PXN: variants seen among roughly 807,000 people sequenced by gnomAD.
PXN encodes paxillin.
In PXN, 61 loss-of-function variants were observed where a neutral mutation model predicts 103.6. The observed-to-expected ratio is 0.59, with a 90% CI of 0.48 to 0.73. The LOEUF is 0.73. Ranked by LOEUF, PXN falls within the 30% of genes least tolerant of loss-of-function variation. The pLI, the probability that PXN is intolerant of heterozygous loss-of-function variation, is 0.00. For missense variants in PXN, 1,274 were observed against 1,460.3 expected, an observed-to-expected ratio of 0.87 and a Z score of 2.08; for synonymous variants, 562 against 607.8, an observed-to-expected ratio of 0.92 and a Z score of 1.11.
chr12:120,264,486 G>T (rs567662862), intron 1 of PXN, among the ~76,000 whole-genome samples: 1 of 152,142 alleles, frequency 6.6e-6, no homozygotes, highest in Non-Finnish European at 1.5e-5. Context: ...CCACTCCTGC[G>T]TTCACGCCAC....
Position 120,265,048 on chromosome 12 carries a change from C to T in PXN, c.13+569G>A, listed in dbSNP as rs1386392188. Among the ~76,000 whole-genome samples, 1 of 151,648 alleles carries T rather than the reference C, an allele frequency of 6.6e-6. No individual in the cohort carries two copies. Among genetic ancestry groups the T allele is most frequent in the Admixed American group, 6.6e-5 (1 of 15,222 alleles). On this transcript the variant is annotated intron_variant, in intron 1 of 14. Transcript: ENST00000637617. This position sits in a 1 kb window ranked among gnomAD's most constrained non-coding sequence, Gnocchi z 5.7. ...GCTCATCTCTAGCTTTTGCATCTGA[C>T]TTGTGAAATGAAAGGGGTGGGCTCC... is the stretch of plus-strand genomic sequence containing the variant.
chr12:120,227,017 C>G (rs773454579), intron 1 of PXN: 2 of 986,794 alleles, frequency 2.0e-6, no homozygotes, highest in Non-Finnish European at 2.4e-6. Flanking sequence ...TAAGGTCTTC[C>G]TCCAAGGAGA....
intron 1 of PXN, among the ~76,000 whole-genome samples, chr12:120,237,483 A>G (rs1180376990): frequency 6.6e-6 from 1 of 152,108 alleles, no homozygotes; most frequent in African/African-American, 2.4e-5. Context: ...CAGTGCATTT[A>G]CTTGAGTGAA....
In PXN at chr12:120,215,095, C is replaced by T. The variant is rs114085181; in HGVS notation, c.2574+8G>A. On this transcript the variant is annotated splice_region_variant and intron_variant, in intron 11 of 14. Transcript: ENST00000637617. This position sits in a 1 kb window ranked among gnomAD's most constrained non-coding sequence, Gnocchi z 4.9. Reference sequence around the variant, plus strand: ...CTGGCCACACCCCTGCCCACTCCCCCTCATCACCTGCCCGGCGATGGGCTT... The same window carrying T: ...CTGGCCACACCCCTGCCCACTCCCCTTCATCACCTGCCCGGCGATGGGCTT... 2,532 of 1,584,164 alleles carry T rather than the reference C, an allele frequency of 1.6e-3. 38 individuals carry two copies. The African/African-American group carries it at 0.03, about 19-fold the overall frequency.
At chr12:120,263,587 G>T (rs1894213911) in intron 1 of PXN, among the ~76,000 whole-genome samples, 1 of 152,192 alleles carries the variant, frequency 6.6e-6, no homozygotes, top group Non-Finnish European at 1.5e-5. Flanking sequence ...AAGAGAATCA[G>T]CCTCTCTTCG....
rs1044152349 is a variant in PXN, at chr12:120,265,093, G to A, written c.13+524C>T. ...GGCTCCGAGGGGTTATCCCTGAAGG[G>A]GGGTGCTAGTCTGTGAAGTGGGGGG... On this transcript the variant is annotated intron_variant, in intron 1 of 14. Transcript: ENST00000637617. The surrounding 1 kb of genome is among the most constrained non-coding windows in gnomAD (Gnocchi z 5.7). Among the ~76,000 whole-genome samples the A allele has an allele frequency of 6.6e-6, 1 of 152,076 alleles. No homozygotes were observed. Among genetic ancestry groups the A allele is most frequent in the Admixed American group, 6.6e-5 (1 of 15,238 alleles).
In PXN at chr12:120,225,324, C is replaced by G. The variant is rs1886567915; in HGVS notation, c.14-947G>C. On this transcript the variant is annotated intron_variant, in intron 1 of 14. Coordinates refer to ENST00000637617, the MANE Select transcript of PXN (RefSeq NM_001385981.1). The surrounding 1 kb of genome is among the most constrained non-coding windows in gnomAD (Gnocchi z 4.4). ...GCCACACCCTCATTCCTGCCCCGTTCACAACTTGCTTGCTCTCAGCTCCCC... is the reference window on the plus strand; with the variant it reads ...GCCACACCCTCATTCCTGCCCCGTTGACAACTTGCTTGCTCTCAGCTCCCC... 6.5e-6 allele frequency: 1 copy of G among 153,780 alleles called. No individual in the cohort carries two copies. The highest frequency in any genetic ancestry group is 1.4e-5 in the Non-Finnish European group (1 of 69,014). The allele number at this position is 153,780 out of a possible 1,614,324, so 9.5% of individuals were successfully genotyped here. A position where few individuals can be genotyped will look rare whatever the true frequency, so the allele number is the denominator to read the frequency against.
At chr12:120,250,226 G>A (rs1891927148) in intron 1 of PXN, 1 of 973,686 alleles carries the variant, frequency 1.0e-6, no homozygotes, top group South Asian at 4.8e-5. Context: ...TAAGGAAGAG[G>A]AATGTTCCTG....
At position 120,265,420 on chromosome 12, in the gene PXN, G is replaced by C. The variant is rs1894548129; in HGVS notation, c.13+197C>G. 6.6e-6 allele frequency among the ~76,000 whole-genome samples: 1 copy of C among 152,100 alleles called. No homozygotes were observed. Among genetic ancestry groups the C allele is most frequent in the Admixed American group, 6.5e-5 (1 of 15,288 alleles). ...ACGGGGGGTCGCTGCTGTGCGGTCG[G>C]TGCCGGGGCCGGCCTGGCCCGAGAC... On this transcript the variant is annotated intron_variant, in intron 1 of 14. Transcript: ENST00000637617. This position sits in a 1 kb window ranked among gnomAD's most constrained non-coding sequence, Gnocchi z 5.7.
chr12:120,212,279 G>A lies in PXN; in HGVS notation c.*35C>T. The A allele has an allele frequency of 6.3e-7, 1 of 1,598,650 alleles. No individual in the cohort carries two copies. The highest frequency in any genetic ancestry group is 8.5e-7 in the Non-Finnish European group (1 of 1,172,520). On this transcript the variant is annotated 3_prime_UTR_variant, in exon 15 of 15. Coordinates refer to ENST00000637617, the MANE Select transcript of PXN (RefSeq NM_001385981.1). This position sits in a 1 kb window ranked among gnomAD's most constrained non-coding sequence, Gnocchi z 7.2. ...GTCACAGTCGCAGTTGGGGATGCTG[G>A]CTGGGGAAGGGGGGCAGAGACAGGG...
intron 1 of PXN, among the ~76,000 whole-genome samples, chr12:120,238,958 T>A (rs1889647013): frequency 6.6e-6 from 1 of 152,232 alleles, no homozygotes; most frequent in Admixed American, 6.5e-5. Flanking sequence ...CTAACTACTG[T>A]ACTGCAACAC....
At position 120,216,500 on chromosome 12, in the gene PXN, G is replaced by A. The variant is rs1883061756; in HGVS notation, c.2074C>T (p.His692Tyr). Residue 692 changes from histidine to tyrosine, a missense_variant, in exon 9 of 15, where the codon CAT (histidine) becomes TAT (tyrosine). This residue lies in a region of PXN where 1,178 missense variants were observed against 1,309.0 expected (regional missense o/e 0.90). Transcript: ENST00000637617. The surrounding 1 kb of genome is among the most constrained non-coding windows in gnomAD (Gnocchi z 5.1). ...CTGCTGGCCGCGGCGTCTGTGCGATGCTGGAGCAAAGGGACAGAAGGAGAA... is the reference window on the plus strand; with the variant it reads ...CTGCTGGCCGCGGCGTCTGTGCGATACTGGAGCAAAGGGACAGAAGGAGAA... Reference protein sequence around the residue: ...LASPSVPLLQHRTDAAASSSS... With the variant: ...LASPSVPLLQYRTDAAASSSS... 3.6e-6 allele frequency: 5 copies of A among 1,396,220 alleles called. No individual in the cohort carries two copies. Among genetic ancestry groups the A allele is most frequent in the Non-Finnish European group, 4.6e-6 (5 of 1,084,504 alleles). 86.5% of individuals were successfully genotyped at this position (1,396,220 alleles called of 1,614,324 possible).
chr12:120,259,778 G>A (rs969851949), intron 1 of PXN, among the ~76,000 whole-genome samples: 1 of 152,212 alleles, frequency 6.6e-6, no homozygotes, highest in African/African-American at 2.4e-5. Flanking sequence ...TGAGGCTGTC[G>A]ATGGAGTCTC....
rs898601045 is a variant in PXN, at chr12:120,216,196, G to C, written c.2301+77C>G. On this transcript the variant is annotated intron_variant, in intron 9 of 14. Transcript: ENST00000637617. This position sits in a 1 kb window ranked among gnomAD's most constrained non-coding sequence, Gnocchi z 5.1. ...GGTATCTGTGTATGTGTGTGTGCAC[G>C]TGTGTGTGTGCAGAGTGGGGGATGG... is the stretch of plus-strand genomic sequence containing the variant. 1 of 1,267,844 alleles carries C rather than the reference G, an allele frequency of 7.9e-7. No individual in the cohort carries two copies. Among genetic ancestry groups the C allele is most frequent in the African/African-American group, 1.5e-5 (1 of 64,746 alleles). The allele number at this position is 1,267,844 out of a possible 1,614,324, so 78.5% of individuals were successfully genotyped here.
intron 1 of PXN, among the ~76,000 whole-genome samples, chr12:120,239,203 T>C (rs1429062976): frequency 6.6e-6 from 1 of 152,146 alleles, no homozygotes; most frequent in African/African-American, 2.4e-5. Context: ...TCCCAGCACT[T>C]TGGGAGCCCG....
Position 120,215,075 on chromosome 12 carries a change from C to G in PXN, c.2574+28G>C. 3.8e-6 allele frequency: 6 copies of G among 1,595,012 alleles called. No homozygotes were observed. The highest frequency in any genetic ancestry group is 5.1e-6 in the Non-Finnish European group (6 of 1,169,410). ...CCCACCCCTGCAGGAGTCCACTGGC[C>G]ACACCCCTGCCCACTCCCCCTCATC... On this transcript the variant is annotated intron_variant, in intron 11 of 14. Coordinates refer to ENST00000637617, the MANE Select transcript of PXN (RefSeq NM_001385981.1). The surrounding 1 kb of genome is among the most constrained non-coding windows in gnomAD (Gnocchi z 4.9).
chr12:120,255,792 T>A (rs1892910056), intron 1 of PXN, among the ~76,000 whole-genome samples: 1 of 151,762 alleles, frequency 6.6e-6, no homozygotes, highest in East Asian at 1.9e-4. Flanking sequence ...ACATCTGTAA[T>A]TCCAACACTT....
rs144842246 is a variant in PXN at position 120,247,646 on chromosome 12, G to A, written c.13+17971C>T. ...AGAATCACTATAAGAAAAACGCCTCGTGATGAAGGTTCTAGGACAAGGGAT... is the reference window on the plus strand; with the variant it reads ...AGAATCACTATAAGAAAAACGCCTCATGATGAAGGTTCTAGGACAAGGGAT... On this transcript the variant is annotated intron_variant, in intron 1 of 14. Transcript: ENST00000637617. 654 of 157,950 alleles carry A rather than the reference G, an allele frequency of 4.1e-3. 6 individuals are homozygous for A. The highest frequency in any genetic ancestry group is 0.014 in the African/African-American group (598 of 41,628). The allele number at this position is 157,950 out of a possible 1,614,324, so 9.8% of individuals were successfully genotyped here.
In PXN at chr12:120,221,897, T is replaced by A; in HGVS notation, c.696-139A>T. On this transcript the variant is annotated intron_variant, in intron 5 of 14. Transcript: ENST00000637617. This position sits in a 1 kb window ranked among gnomAD's most constrained non-coding sequence, Gnocchi z 6.6. ...AGGTCCACCAGCTCCCTGTCTCTCC[T>A]GGGGACCCATCACTGGGTCAGAAGA... 1 of 1,300,446 alleles carries A rather than the reference T, an allele frequency of 7.7e-7. No individual in the cohort carries two copies. Among genetic ancestry groups the A allele is most frequent in the Non-Finnish European group, 1.0e-6 (1 of 974,234 alleles). The allele number at this position is 1,300,446 out of a possible 1,614,324, so 80.6% of individuals were successfully genotyped here. A position where few individuals can be genotyped will look rare whatever the true frequency, so the allele number is the denominator to read the frequency against.
Sources: gnomAD v4.1 joint callset for allele counts (sites outside exome capture counted in the v4.1 genomes callset) on GRCh38, gnomAD v4.1.1 for gene constraint, gnomAD v4.1.1 regional missense constraint, Gnocchi (gnomAD v3.1) non-coding constraint, MANE v1.5 for transcripts, NCBI Gene and HGNC (gene_info 2026-07-23, HGNC 2026-07-21) for gene names.